SP110: variants seen among roughly 807,000 people sequenced by gnomAD.
SP110 encodes the protein interferon-induced protein 41, 30kD.
SP110 carries 62 observed loss-of-function variants against 92.7 expected under a neutral mutation model. That is an observed-to-expected ratio of 0.67 (90% CI 0.55 to 0.83). The LOEUF is 0.83. Ranked by LOEUF, SP110 falls within the 40% of genes least tolerant of loss-of-function variation. SP110 has a pLI of 0.00. For missense variants in SP110, 793 were observed against 863.9 expected (o/e 0.92, Z 1.03); for synonymous variants, 273 against 305.3 (o/e 0.89, Z 1.10).
At chr2:230,192,663 C>T (rs182597076) in intron 10 of SP110, among the ~76,000 whole-genome samples, 13 of 152,260 alleles carry the variant, frequency 8.5e-5, no homozygotes, top group African/African-American at 2.4e-4. Flanking sequence ...ATTCCATCTT[C>T]ATGGATAAGA....
chr2:230,180,501 T>G (rs2042083140), intron 12 of SP110, among the ~76,000 whole-genome samples: 1 of 152,172 alleles, frequency 6.6e-6, no homozygotes, highest in Admixed American at 6.5e-5. Flanking sequence ...AGATGCACTG[T>G]GTCATCTATC....
At position 230,206,595 on chromosome 2, in the gene SP110, TTATATATATATATA is replaced by T. The variant is rs56817002; in HGVS notation, c.898+1382_898+1395del. Among the ~76,000 whole-genome samples the T allele has an allele frequency of 8.6e-3, 604 of 70,520 alleles. 21 individuals carry two copies. Among genetic ancestry groups the T allele is most frequent in the Middle Eastern group, 0.03 (4 of 134 alleles). 46.3% of individuals were successfully genotyped at this position (70,520 alleles called of 152,430 possible). Reference sequence around the variant, plus strand: ...TATTATATATTATCTGGTCCAGATTTTATATATATATATATATATATATATATATATATATATAT... The same window carrying T: ...TATTATATATTATCTGGTCCAGATTTTATATATATATATATATATATATAT... On this transcript the variant is annotated intron_variant, in intron 8 of 18. Coordinates refer to ENST00000258381, the MANE Select transcript of SP110 (RefSeq NM_080424.4).
At chr2:230,201,887 G>T (rs1011657843) in intron 9 of SP110, among the ~76,000 whole-genome samples, 5 of 152,210 alleles carry the variant, frequency 3.3e-5, no homozygotes, top group African/African-American at 1.2e-4. Context: ...GAGTGTTGGT[G>T]TAGTATTAAA....
chr2:230,210,109 G>A lies in SP110; in HGVS notation c.752-101C>T. 3 of 798,546 alleles carry A rather than the reference G, an allele frequency of 3.8e-6. No individual in the cohort carries two copies. In the South Asian group the frequency reaches 4.0e-5, roughly 11 times the overall value. The allele number at this position is 798,546 out of a possible 1,614,324, so 49.5% of individuals were successfully genotyped here. A position where few individuals can be genotyped will look rare whatever the true frequency, so the allele number is the denominator to read the frequency against. Reference sequence around the variant, plus strand: ...ACTAGAAAAGTAGAAAGTACATGCAGCCCAGGGCCGGGAATCTGCTTGCCC... The same window carrying A: ...ACTAGAAAAGTAGAAAGTACATGCAACCCAGGGCCGGGAATCTGCTTGCCC... On this transcript the variant is annotated intron_variant, in intron 6 of 18. Coordinates refer to ENST00000258381, the MANE Select transcript of SP110 (RefSeq NM_080424.4).
At chr2:230,214,426 C>T (rs1054659059) in intron 3 of SP110, among the ~76,000 whole-genome samples, 1 of 152,162 alleles carries the variant, frequency 6.6e-6, no homozygotes, top group Admixed American at 6.5e-5. Context: ...TCTTAACCAA[C>T]AAGTAATTTT....
chr2:230,208,200 G>A, intron 7 of SP110, 141 bp from the exon 8 acceptor site: 2 of 625,728 alleles, frequency 3.2e-6, no homozygotes, highest in Non-Finnish European at 5.7e-6. Context: ...GTACTTCAGG[G>A]AGTAATAGGG....
intron 11 of SP110, among the ~76,000 whole-genome samples, chr2:230,185,371 C>G (rs1183960317): frequency 6.6e-6 from 1 of 152,174 alleles, no homozygotes; most frequent in Non-Finnish European, 1.5e-5. Context: ...CAAGCTACCA[C>G]AGCATGTTTG....
intron 12 of SP110, 145 bp downstream of exon 12, chr2:230,183,427 C>CA (rs901738389): frequency 1.2e-5 from 9 of 742,050 alleles, no homozygotes; most frequent in Middle Eastern, 3.6e-4. Context: ...ACTCCTGATG[C>CA]ACCCAATTCA....
chr2:230,177,155 G>A (rs759294799), intron 14 of SP110, among the ~76,000 whole-genome samples: 3 of 152,154 alleles, frequency 2.0e-5, no homozygotes, highest in East Asian at 3.8e-4. Flanking sequence ...GACAGACCAC[G>A]GACTGGGCAG....
Position 230,166,447 on chromosome 2 carries a change from C to T in SP110, c.*2677G>A, listed in dbSNP as rs934973558. On this transcript the variant is annotated 3_prime_UTR_variant, in exon 19 of 19. Transcript: ENST00000258381. ...AGTTATTTTACCGAGGTAGGATAACCGTAAATCTGACTATGACAGTGTGTA... is the reference window on the plus strand; with the variant it reads ...AGTTATTTTACCGAGGTAGGATAACTGTAAATCTGACTATGACAGTGTGTA... Among the ~76,000 whole-genome samples, 3 of 151,962 alleles carry T rather than the reference C, an allele frequency of 2.0e-5. No individual in the cohort carries two copies. The highest frequency in any genetic ancestry group is 4.8e-5 in the African/African-American group (2 of 41,380).
chr2:230,182,476 A>G lies in SP110; in HGVS notation c.1348+1096T>C, dbSNP rs574149645. On this transcript the variant is annotated intron_variant, in intron 12 of 18. Coordinates refer to ENST00000258381, the MANE Select transcript of SP110 (RefSeq NM_080424.4). ...GAACTTAAAATAAATATTTTTAAAA[A>G]AGGTGAGGTCTGAGGGTGTATAGCA... Among the ~76,000 whole-genome samples the G allele has an allele frequency of 9.9e-5, 15 of 152,246 alleles. No homozygotes were observed. The South Asian group carries it at 2.9e-3, about 29-fold the overall frequency.
At chr2:230,176,716 A>T (rs2041876908) in intron 14 of SP110, 1 of 1,613,984 alleles carries the variant, frequency 6.2e-7, no homozygotes, top group Non-Finnish European at 8.5e-7. Flanking sequence ...GACAGAGCAA[A>T]AGTCCACTCT....
intron 9 of SP110, among the ~76,000 whole-genome samples, chr2:230,201,355 A>G (rs1319890365): frequency 6.6e-6 from 1 of 152,152 alleles, no homozygotes; most frequent in Non-Finnish European, 1.5e-5. Flanking sequence ...CACTATTTCA[A>G]CCTTTGTACA....
intron 10 of SP110, among the ~76,000 whole-genome samples, chr2:230,187,287 C>T (rs568248829): frequency 1.3e-5 from 2 of 152,194 alleles, no homozygotes; most frequent in African/African-American, 4.8e-5. Context: ...GTTTCTTGGC[C>T]ATTTGAATAT....
At chr2:230,216,652 G>C in intron 2 of SP110, 129 bp downstream of exon 2, 1 of 1,121,916 alleles carries the variant, frequency 8.9e-7, no homozygotes, top group Non-Finnish European at 1.3e-6. Context: ...CCCACCTTCT[G>C]TGATAATGAA....
chr2:230,212,293 T>G, intron 5 of SP110, 54 bp downstream of exon 5: 1 of 1,324,880 alleles, frequency 7.5e-7, no homozygotes, highest in East Asian at 2.3e-5. Context: ...CAGACGCATG[T>G]TCTCCCTTCA....
At chr2:230,208,560 C>T (rs1167404681) in intron 7 of SP110, among the ~76,000 whole-genome samples, 1 of 152,158 alleles carries the variant, frequency 6.6e-6, no homozygotes, top group East Asian at 1.9e-4. Flanking sequence ...AGGGGATTCT[C>T]ATCTGATATC....
At chr2:230,184,914 C>T (rs952173735) in intron 11 of SP110, among the ~76,000 whole-genome samples, 2 of 152,326 alleles carry the variant, frequency 1.3e-5, no homozygotes, top group African/African-American at 4.8e-5. Flanking sequence ...GGCCTACTGC[C>T]TGTTTATGTA....
intron 14 of SP110, among the ~76,000 whole-genome samples, chr2:230,175,985 C>G (rs146538899): frequency 1.5e-5 from 2 of 137,308 alleles, no homozygotes; most frequent in African/African-American, 5.3e-5. Context: ...GCTCTGTTGC[C>G]CCAGCTGGAG....
Sources: allele counts gnomAD v4.1 joint callset (sites outside exome capture counted in the v4.1 genomes callset), GRCh38; gene constraint gnomAD v4.1.1; transcripts MANE v1.5; gene names NCBI Gene and HGNC (gene_info 2026-07-23, HGNC 2026-07-21).